Variants in TGIF2 observed in about 807,000 individuals in gnomAD.
The protein encoded by TGIF2 is TGFB induced factor homeobox 2.
In TGIF2, 5 loss-of-function variants were observed where a neutral mutation model predicts 15.1. That is an observed-to-expected ratio of 0.33 (90% CI 0.17 to 0.70). The LOEUF is 0.70. TGIF2 is among the 30% of genes least tolerant of loss of function. The probability of loss-of-function intolerance (pLI) is 0.67; values close to 1 mark genes in which losing one functional copy is unlikely to be tolerated. For synonymous variants in TGIF2, 131 were observed against 128.9 expected (o/e 1.02, Z -0.11); for missense variants, 264 against 302.5 (o/e 0.87, Z 0.94).
chr20:36,590,376 C>T (rs1350665412), intron 2 of TGIF2, among the ~76,000 whole-genome samples: 1 of 152,168 alleles, frequency 6.6e-6, no homozygotes, highest in Non-Finnish European at 1.5e-5. Flanking sequence ...GCCTCAGCCT[C>T]CTAAGTAGCT....
intron 2 of TGIF2, among the ~76,000 whole-genome samples, chr20:36,579,352 T>A (rs1016501244): frequency 1.3e-5 from 2 of 152,042 alleles, no homozygotes; most frequent in African/African-American, 4.8e-5. Flanking sequence ...TTTGTATTTT[T>A]AGTAGAGACA....
Position 36,578,817 on chromosome 20 carries a change from C to A in TGIF2, c.43C>A (p.Leu15Met). The part of the protein sequence containing the change: ...DLGEDEGLLS[L>M]AGKRKRRGNL... The stretch of plus-strand genomic sequence containing the variant: ...AGGTGAGGACGAAGGCCTCCTCTCC[C>A]TGGCGGGCAAAAGGAAGCGCAGGGG... Residue 15 changes from leucine (L) to methionine (M), a missense_variant, in exon 2 of 3, where the codon CTG (leucine) becomes ATG (methionine). Coordinates refer to ENST00000373872, the MANE Select transcript of TGIF2 (RefSeq NM_021809.7). 1 of 1,614,120 alleles carries A rather than the reference C, an allele frequency of 6.2e-7. No individual in the cohort carries two copies. Among genetic ancestry groups the A allele is most frequent in the Non-Finnish European group, 8.5e-7 (1 of 1,179,998 alleles).
At chr20:36,578,412 C>CAA (rs747225580) in intron 1 of TGIF2, among the ~76,000 whole-genome samples, 13 of 92,304 alleles carry the variant, frequency 1.4e-4, no homozygotes, top group East Asian at 3.1e-4. Context: ...GAGCCTCTCT[C>CAA]AAAAAAAAAA....
At chr20:36,585,313 T>C (rs2038632888) in intron 2 of TGIF2, among the ~76,000 whole-genome samples, 1 of 151,630 alleles carries the variant, frequency 6.6e-6, no homozygotes, top group African/African-American at 2.4e-5. Flanking sequence ...GTCTGACCAA[T>C]GTGGTGAAAC....
intron 2 of TGIF2, among the ~76,000 whole-genome samples, chr20:36,582,625 C>T (rs2038569820): frequency 6.6e-6 from 1 of 152,222 alleles, no homozygotes; most frequent in South Asian, 2.1e-4. Flanking sequence ...TGGCGAACCC[C>T]TCAAGGTGAC....
At chr20:36,586,452 T>C (rs532801015) in intron 2 of TGIF2, among the ~76,000 whole-genome samples, 1 of 152,160 alleles carries the variant, frequency 6.6e-6, no homozygotes, top group Non-Finnish European at 1.5e-5. Flanking sequence ...CCCAGCACTT[T>C]GGGAGGCCAA....
chr20:36,581,890 A>G (rs575657200), intron 2 of TGIF2, among the ~76,000 whole-genome samples: 6 of 152,176 alleles, frequency 3.9e-5, no homozygotes, highest in Admixed American at 6.5e-5. Flanking sequence ...CAGCCTCCCA[A>G]AGTGCTGGGA....
At chr20:36,585,931 T>A (rs2038648884) in intron 2 of TGIF2, among the ~76,000 whole-genome samples, 1 of 152,166 alleles carries the variant, frequency 6.6e-6, no homozygotes, top group Non-Finnish European at 1.5e-5. Flanking sequence ...AGGACTCCTT[T>A]CATATGCAGT....
At chr20:36,580,856 G>A (rs1051389129) in intron 2 of TGIF2, among the ~76,000 whole-genome samples, 1 of 150,674 alleles carries the variant, frequency 6.6e-6, no homozygotes, top group African/African-American at 2.4e-5. Flanking sequence ...CAGGCACGGT[G>A]GCTCACACTT....
rs556122650 is a variant in TGIF2 at position 36,591,628 on chromosome 20, C to T, written c.*197C>T. On this transcript the variant is annotated 3_prime_UTR_variant, in exon 3 of 3. Transcript: ENST00000373872. This position sits in a 1 kb window ranked among gnomAD's most constrained non-coding sequence, Gnocchi z 5.3. ...GGGCCCTCTCCTCTGCTGACTCTGC[C>T]GTTTCTCCAGGCCTCCGCTCAGTGA... The T allele has an allele frequency of 8.8e-6, 5 of 567,442 alleles. No homozygotes were observed. The highest frequency in any genetic ancestry group is 5.6e-5 in the South Asian group (2 of 35,912). The allele number at this position is 567,442 out of a possible 1,614,324, so 35.2% of individuals were successfully genotyped here. A position where few individuals can be genotyped will look rare whatever the true frequency, so the allele number is the denominator to read the frequency against.
At chr20:36,574,364 G>T (rs1306412071) in intron 1 of TGIF2, among the ~76,000 whole-genome samples, 2 of 141,972 alleles carry the variant, frequency 1.4e-5, no homozygotes, top group Admixed American at 1.5e-4. Flanking sequence ...GGCCGAAGGT[G>T]ATCCAAGCCT....
At position 36,590,897 on chromosome 20, in the gene TGIF2, A is replaced by G; in HGVS notation, c.193-13A>G. On this transcript the variant is annotated splice_polypyrimidine_tract_variant and intron_variant, in intron 2 of 2. Coordinates refer to ENST00000373872, the MANE Select transcript of TGIF2 (RefSeq NM_021809.7). ...GATTAAGCAAATTGATCGGTCTTGT[A>G]TATTCATTCCAGATATGTAACTGGT... is the stretch of plus-strand genomic sequence containing the variant. 6.6e-7 allele frequency: 1 copy of G among 1,513,676 alleles called. No homozygotes were observed. Among genetic ancestry groups the G allele is most frequent in the Non-Finnish European group, 8.9e-7 (1 of 1,129,404 alleles). 93.8% of individuals were successfully genotyped at this position (1,513,676 alleles called of 1,614,324 possible).
At chr20:36,581,832 C>G (rs2038551975) in intron 2 of TGIF2, among the ~76,000 whole-genome samples, 1 of 152,088 alleles carries the variant, frequency 6.6e-6, no homozygotes. Context: ...CTTCACTATG[C>G]TAGCCAGGCT....
chr20:36,573,776 G>C (rs2038349954), intron 1 of TGIF2, 31 bp downstream of exon 1: 1 of 152,086 alleles, frequency 6.6e-6, no homozygotes, highest in African/African-American at 2.4e-5. Context: ...AGGGCCAGAT[G>C]GGGGTGGGGG....
Position 36,588,163 on chromosome 20 carries a change from G to A in TGIF2, c.193-2747G>A, listed in dbSNP as rs73279456. ...CCAGCTCTGCACTGGGAAGATGTGT[G>A]ACTGGACAAGAGCTTTCTTCTCATT... On this transcript the variant is annotated intron_variant, in intron 2 of 2. Transcript: ENST00000373872. Among the ~76,000 whole-genome samples, 454 of 151,632 alleles carry A rather than the reference G, an allele frequency of 3.0e-3. 4 individuals carry two copies. Among genetic ancestry groups the A allele is most frequent in the African/African-American group, 0.011 (438 of 41,356 alleles).
At chr20:36,585,388 G>T (rs1035730972) in intron 2 of TGIF2, among the ~76,000 whole-genome samples, 19 of 150,412 alleles carry the variant, frequency 1.3e-4, no homozygotes, top group Admixed American at 6.6e-5. Context: ...ACTTGAACCC[G>T]GGGGTGGTGG....
intron 2 of TGIF2, among the ~76,000 whole-genome samples, chr20:36,589,693 CTT>C (rs1019680063): frequency 1.3e-5 from 2 of 150,998 alleles, no homozygotes; most frequent in Non-Finnish European, 3.0e-5. Flanking sequence ...GCTCGACCGA[CTT>C]TTTTTTTCTT....
intron 2 of TGIF2, among the ~76,000 whole-genome samples, chr20:36,580,033 C>T (rs1189327168): frequency 2.0e-5 from 3 of 152,170 alleles, no homozygotes; most frequent in Non-Finnish European, 4.4e-5. Flanking sequence ...TGGAGACACA[C>T]AGTAGGCCCT....
At chr20:36,587,556 C>T (rs929289587) in intron 2 of TGIF2, among the ~76,000 whole-genome samples, 29 of 152,072 alleles carry the variant, frequency 1.9e-4, no homozygotes, top group African/African-American at 6.8e-4. Flanking sequence ...GAGAGAAGGA[C>T]ACAGGCACTG....
Sources: allele counts gnomAD v4.1 joint callset (sites outside exome capture counted in the v4.1 genomes callset), GRCh38; gene constraint gnomAD v4.1.1; non-coding constraint Gnocchi (gnomAD v3.1); transcripts MANE v1.5; gene names NCBI Gene and HGNC (gene_info 2026-07-23, HGNC 2026-07-21).